Variants in CUEDC1 observed in about 807,000 individuals in gnomAD.
CUEDC1 encodes the protein CUE domain-containing protein 1.
Under a neutral mutation model 43.7 loss-of-function variants are expected in CUEDC1, and 30 were observed. The observed-to-expected ratio is 0.69, with a 90% CI of 0.51 to 0.93. The LOEUF (loss-of-function observed/expected upper bound fraction) is 0.93, where lower values mean the gene tolerates loss of function less well. Ranked by LOEUF, CUEDC1 falls within the 40% of genes least tolerant of loss-of-function variation. The probability of loss-of-function intolerance (pLI) is 0.00; values close to 1 mark genes in which losing one functional copy is unlikely to be tolerated. For synonymous variants in CUEDC1, 223 were observed against 223.6 expected, an observed-to-expected ratio of 1.00 and a Z score of 0.02; for missense variants, 486 against 549.0, an observed-to-expected ratio of 0.89 and a Z score of 1.15.
At chr17:57,916,298 C>T (rs2074639753) in intron 1 of CUEDC1, among the ~76,000 whole-genome samples, 1 of 152,260 alleles carries the variant, frequency 6.6e-6, no homozygotes, top group South Asian at 2.1e-4. Context: ...GGCATGAGGG[C>T]AGGCCAGGAC....
intron 5 of CUEDC1, among the ~76,000 whole-genome samples, chr17:57,871,873 G>A (rs938013604): frequency 3.9e-5 from 6 of 152,246 alleles, no homozygotes; most frequent in African/African-American, 1.4e-4. Context: ...GCAGTGAGCC[G>A]AGATTGAGCC....
At chr17:57,895,420 G>A (rs1344366467) in intron 1 of CUEDC1, among the ~76,000 whole-genome samples, 1 of 152,342 alleles carries the variant, frequency 6.6e-6, no homozygotes, top group East Asian at 1.9e-4. Context: ...GGGGGTGCCT[G>A]GGTGCCACTG....
At chr17:57,937,833 G>A (rs1426672500) in intron 1 of CUEDC1, among the ~76,000 whole-genome samples, 4 of 152,104 alleles carry the variant, frequency 2.6e-5, no homozygotes, top group Admixed American at 2.0e-4. Flanking sequence ...CTTGAGCCCA[G>A]GGGATCCAGG....
chr17:57,879,500 TC>T, intron 3 of CUEDC1, 110 bp downstream of exon 3: 1 of 1,322,792 alleles, frequency 7.6e-7, no homozygotes. Flanking sequence ...AGAAGCCTGT[TC>T]TTTGAAATAT....
At chr17:57,908,954 G>A (rs2074556688) in intron 1 of CUEDC1, among the ~76,000 whole-genome samples, 2 of 151,906 alleles carry the variant, frequency 1.3e-5, no homozygotes, top group African/African-American at 2.4e-5. Context: ...CCAAGATCGC[G>A]CTACTGCACT....
At chr17:57,865,817 C>G (rs1340490098) in intron 10 of CUEDC1, among the ~76,000 whole-genome samples, 1 of 132,136 alleles carries the variant, frequency 7.6e-6, no homozygotes, top group Admixed American at 7.5e-5. Flanking sequence ...CTCAGTTTTT[C>G]TTTTTCTTTT....
intron 1 of CUEDC1, among the ~76,000 whole-genome samples, chr17:57,923,912 G>A (rs187554447): frequency 6.6e-6 from 1 of 152,184 alleles, no homozygotes; most frequent in African/African-American, 2.4e-5. Context: ...CGATGGATAA[G>A]TAACAATGGA....
rs751667371 is a variant in CUEDC1, at chr17:57,873,713, C to T, written c.469G>A (p.Asp157Asn). The T allele has an allele frequency of 8.2e-6, 13 of 1,580,488 alleles. No homozygotes were observed. The highest frequency in any genetic ancestry group is 4.6e-5 in the South Asian group (4 of 87,000). Reference protein sequence around the residue: ...LAPPTPPPRIDALGSGAPTSQ... With the variant: ...LAPPTPPPRINALGSGAPTSQ... Reference sequence around the variant, plus strand: ...GTAGGGGCTCCAGAGCCCAGCGCGTCGATACTAGGGGATGGCAGGTGACAG... The same window carrying T: ...GTAGGGGCTCCAGAGCCCAGCGCGTTGATACTAGGGGATGGCAGGTGACAG... Residue 157 changes from aspartate to asparagine, a missense_variant, in exon 4 of 11, where the codon GAC becomes AAC. Coordinates refer to ENST00000577830, the MANE Select transcript of CUEDC1 (RefSeq NM_001271875.2).
At chr17:57,879,536 T>G in intron 3 of CUEDC1, 75 bp downstream of exon 3, 2 of 1,477,256 alleles carry the variant, frequency 1.4e-6, no homozygotes, top group East Asian at 5.3e-5. Flanking sequence ...CCAAGTTTCG[T>G]GTTGTTTGTA....
At chr17:57,871,796 C>A in intron 5 of CUEDC1, among the ~76,000 whole-genome samples, 1 of 152,136 alleles carries the variant, frequency 6.6e-6, no homozygotes, top group Non-Finnish European at 1.5e-5. Flanking sequence ...CGGTGGCGTG[C>A]GCCTATAATC....
chr17:57,868,379 G>A, intron 7 of CUEDC1, 136 bp from the exon 8 acceptor site: 1 of 719,512 alleles, frequency 1.4e-6, no homozygotes, highest in South Asian at 1.6e-5. Context: ...GGTGGGAGCT[G>A]AGGAGGGAGA....
chr17:57,902,222 AAAAAAC>A, intron 1 of CUEDC1, among the ~76,000 whole-genome samples: 1 of 152,002 alleles, frequency 6.6e-6, no homozygotes, highest in Non-Finnish European at 1.5e-5. Flanking sequence ...CAAAAAACAA[AAAAAAC>A]CATGATGCAT....
chr17:57,877,257 T>C (rs769208630), intron 3 of CUEDC1, among the ~76,000 whole-genome samples: 14 of 152,178 alleles, frequency 9.2e-5, no homozygotes, highest in Non-Finnish European at 1.9e-4. Context: ...ATCACCACCC[T>C]GGCCCCCACC....
chr17:57,898,574 G>A (rs867049574), intron 1 of CUEDC1, among the ~76,000 whole-genome samples: 7 of 152,262 alleles, frequency 4.6e-5, no homozygotes, highest in African/African-American at 1.7e-4. Flanking sequence ...ACTGTGGTGG[G>A]CATGCACAGC....
chr17:57,929,864 C>T (rs923775378), intron 1 of CUEDC1, among the ~76,000 whole-genome samples: 6 of 152,054 alleles, frequency 3.9e-5, no homozygotes, highest in Non-Finnish European at 5.9e-5. Flanking sequence ...TGCAGTGGCG[C>T]GATCTTGGCT....
rs1597982054 is a variant in CUEDC1 at position 57,884,305 on chromosome 17, C to T, written c.336+924G>A. Among the ~76,000 whole-genome samples the T allele has an allele frequency of 1.3e-5, 2 of 148,492 alleles. 1 individual carries two copies. ...CTCTGCCTCCCGGGTTCAGGCGATT[C>T]TCCTGCCTCAGCCTCCCGAGTAGCT... On this transcript the variant is annotated intron_variant, in intron 2 of 10. Coordinates refer to ENST00000577830, the MANE Select transcript of CUEDC1 (RefSeq NM_001271875.2).
At chr17:57,928,803 T>A (rs1048085716) in intron 1 of CUEDC1, among the ~76,000 whole-genome samples, 2 of 105,758 alleles carry the variant, frequency 1.9e-5, no homozygotes, top group East Asian at 6.7e-4. Context: ...GGATATAAAC[T>A]CGGGGTGGGG....
At position 57,894,487 on chromosome 17, in the gene CUEDC1, A is replaced by G. The variant is rs79668582; in HGVS notation, c.-315-8608T>C. On this transcript the variant is annotated intron_variant, in intron 1 of 10. Transcript: ENST00000577830. ...GGAGTTTGAGACCAGCCTGGCCAAC[A>G]TGGTAAAACCCTGTCTCTACTGAAA... 8.4e-3 allele frequency among the ~76,000 whole-genome samples: 1,278 copies of G among 152,314 alleles called. 11 individuals are homozygous for G. Among genetic ancestry groups the G allele is most frequent in the Non-Finnish European group, 0.012 (800 of 68,018 alleles).
At position 57,930,274 on chromosome 17, in the gene CUEDC1, C is replaced by T. The variant is rs28605394; in HGVS notation, c.-316+24951G>A. ...GCAAGTCTCCAACTGCACAAGCAGA[C>T]CAGAGCCAACGAGGCTGATGCTGTG... On this transcript the variant is annotated intron_variant, in intron 1 of 10. Coordinates refer to ENST00000577830, the MANE Select transcript of CUEDC1 (RefSeq NM_001271875.2). The surrounding 1 kb of genome is among the most constrained non-coding windows in gnomAD (Gnocchi z 4.2). 0.14 allele frequency among the ~76,000 whole-genome samples: 21,948 copies of T among 152,158 alleles called. 2,628 individuals carry two copies. The highest frequency in any genetic ancestry group is 0.31 in the African/African-American group (12,983 of 41,452).
Sources: gnomAD v4.1 joint callset for allele counts (sites outside exome capture counted in the v4.1 genomes callset) on GRCh38, gnomAD v4.1.1 for gene constraint, Gnocchi (gnomAD v3.1) non-coding constraint, MANE v1.5 for transcripts, NCBI Gene and HGNC (gene_info 2026-07-23, HGNC 2026-07-21) for gene names.